The following SLC13A1 variants were observed in gnomAD, a reference collection of about 807,000 sequenced individuals.
SLC13A1 encodes the protein Na(+)/sulfate cotransporter.
In SLC13A1, 65 loss-of-function variants were observed where a neutral mutation model predicts 70.0. That is an observed-to-expected ratio of 0.93 (90% CI 0.76 to 1.14). SLC13A1 has a LOEUF of 1.14. Among genes scored for constraint, SLC13A1 ranks in the 50% most tolerant of loss-of-function variants. SLC13A1 has a pLI of 0.00. For synonymous variants in SLC13A1, 275 were observed against 250.5 expected, an observed-to-expected ratio of 1.10 and a Z score of -0.92; for missense variants, 726 against 717.8, an observed-to-expected ratio of 1.01 and a Z score of -0.13.
intron 1 of SLC13A1, among the ~76,000 whole-genome samples, chr7:123,187,663 A>G (rs1267230492): frequency 6.6e-6 from 1 of 152,194 alleles, no homozygotes; most frequent in East Asian, 1.9e-4. Context: ...AAATTAAATA[A>G]GGTTTACTCT....
intron 3 of SLC13A1, among the ~76,000 whole-genome samples, chr7:123,171,474 G>C (rs928963405): frequency 1.3e-5 from 2 of 152,180 alleles, no homozygotes; most frequent in Non-Finnish European, 2.9e-5. Context: ...AATCTTGTCT[G>C]TTGAGGTTCA....
intron 1 of SLC13A1, among the ~76,000 whole-genome samples, chr7:123,189,766 A>G (rs1012168846): frequency 6.6e-6 from 1 of 152,022 alleles, no homozygotes; most frequent in Non-Finnish European, 1.5e-5. Context: ...TGAAAAATTT[A>G]TCTAATTACA....
chr7:123,125,677 T>G lies in SLC13A1; in HGVS notation c.1134-2A>C, dbSNP rs764339139. 1 of 1,599,136 alleles carries G rather than the reference T, an allele frequency of 6.3e-7. No homozygotes were observed. Among genetic ancestry groups the G allele is most frequent in the South Asian group, 1.1e-5 (1 of 90,220 alleles). ...GAATCTGTAGCAAAACCAGGGTACC[T>G]GTAAAAGGGACAAATACATGTATTA... On this transcript the variant is annotated splice_acceptor_variant, in intron 10 of 14. Coordinates refer to ENST00000194130, the MANE Select transcript of SLC13A1 (RefSeq NM_022444.4). LOFTEE classifies it high-confidence loss of function.
At chr7:123,192,118 A>G (rs1796015690) in intron 1 of SLC13A1, among the ~76,000 whole-genome samples, 2 of 152,128 alleles carry the variant, frequency 1.3e-5, no homozygotes, top group Non-Finnish European at 2.9e-5. Context: ...GAATGTGTTT[A>G]CAATTTTCCT....
chr7:123,163,694 T>A (rs1794985401), intron 6 of SLC13A1, among the ~76,000 whole-genome samples: 5 of 152,082 alleles, frequency 3.3e-5, no homozygotes, highest in Admixed American at 3.3e-4. Flanking sequence ...GTGTTGACTT[T>A]AAATGTTTAT....
intron 1 of SLC13A1, among the ~76,000 whole-genome samples, chr7:123,189,587 T>A (rs1795932783): frequency 6.6e-6 from 1 of 152,182 alleles, no homozygotes; most frequent in Admixed American, 6.5e-5. Flanking sequence ...TTATTCAGAT[T>A]TTCATTCAAA....
At chr7:123,141,263 G>A (rs1209631410) in intron 7 of SLC13A1, among the ~76,000 whole-genome samples, 1 of 151,978 alleles carries the variant, frequency 6.6e-6, no homozygotes, top group Admixed American at 6.6e-5. Context: ...TTCTATTGTG[G>A]TTAGAGAAGA....
intron 3 of SLC13A1, among the ~76,000 whole-genome samples, chr7:123,170,261 T>C (rs947858657): frequency 6.6e-6 from 1 of 152,208 alleles, no homozygotes; most frequent in African/African-American, 2.4e-5. Flanking sequence ...ATAAGGTGAA[T>C]ATTTTCAATG....
intron 2 of SLC13A1, among the ~76,000 whole-genome samples, chr7:123,179,673 C>T (rs556110753): frequency 6.6e-6 from 1 of 152,286 alleles, no homozygotes; most frequent in East Asian, 1.9e-4. Flanking sequence ...TCTAATGTTT[C>T]TATGTCCCTT....
At chr7:123,123,017 A>G (rs192274971) in intron 12 of SLC13A1, 109 bp downstream of exon 12, 1 of 867,736 alleles carries the variant, frequency 1.2e-6, no homozygotes. Context: ...AAAATTTGCA[A>G]CATTAAAATG....
rs367604936 is a variant in SLC13A1 at position 123,115,491 on chromosome 7, G to A, written c.*27C>T. 1.2e-4 allele frequency: 187 copies of A among 1,597,338 alleles called. No homozygotes were observed. The highest frequency in any genetic ancestry group is 1.4e-4 in the Non-Finnish European group (165 of 1,168,968). ...TCATTAATGTCTTCCAGAAATTACC[G>A]CAAGATAGTCAGAAATTTTGTGCTT... On this transcript the variant is annotated 3_prime_UTR_variant, in exon 15 of 15. Transcript: ENST00000194130.
In SLC13A1 at chr7:123,129,420, C is replaced by A. The variant is rs772412216; in HGVS notation, c.994G>T (p.Val332Leu). 5 of 1,607,910 alleles carry A rather than the reference C, an allele frequency of 3.1e-6. No individual in the cohort carries two copies. The African/African-American group carries it at 6.7e-5, about 22-fold the overall frequency. ...KTVQQKACAE[V>L]IKQEYQKLGP... is the part of the protein sequence containing the mutation. The stretch of plus-strand genomic sequence containing the variant: ...AGCTTTTGGTATTCTTGCTTAATCA[C>A]CTCAGCACAAGCTTTTTGTTGGACT... Residue 332 changes from valine (V) to leucine (L), a missense_variant, in exon 9 of 15, where the codon GTG becomes TTG. Coordinates refer to ENST00000194130, the MANE Select transcript of SLC13A1 (RefSeq NM_022444.4).
At chr7:123,189,108 C>T in intron 1 of SLC13A1, among the ~76,000 whole-genome samples, 1 of 75,236 alleles carries the variant, frequency 1.3e-5, no homozygotes. Flanking sequence ...GAGCGAGACT[C>T]CGTCTCAAAA....
rs552334408 is a variant in SLC13A1 at position 123,175,389 on chromosome 7, C to CTT, written c.229-3487_229-3486dup. Among the ~76,000 whole-genome samples, 158 of 152,200 alleles carry CTT rather than the reference C, an allele frequency of 1.0e-3. 3 individuals carry two copies. In the South Asian group the frequency reaches 0.017, roughly 17 times the overall value. On this transcript the variant is annotated intron_variant, in intron 2 of 14. Transcript: ENST00000194130. ...TTTAAGTTTTCATTTTCCCTTATCT[C>CTT]TTTTGCAGTTTGGCTCATGGAAATA...
At chr7:123,146,410 A>G (rs574365342) in intron 7 of SLC13A1, among the ~76,000 whole-genome samples, 70 of 152,328 alleles carry the variant, frequency 4.6e-4, no homozygotes, top group Non-Finnish European at 8.7e-4. Context: ...CTGTAATCCC[A>G]GCTACTCGGG....
chr7:123,143,207 G>A (rs1167171922), intron 7 of SLC13A1, among the ~76,000 whole-genome samples: 1 of 152,132 alleles, frequency 6.6e-6, no homozygotes, highest in Non-Finnish European at 1.5e-5. Context: ...AGAGGGATAT[G>A]AGGACTCCCT....
chr7:123,158,077 A>G (rs1794771132), intron 6 of SLC13A1, among the ~76,000 whole-genome samples: 1 of 152,088 alleles, frequency 6.6e-6, no homozygotes, highest in Non-Finnish European at 1.5e-5. Flanking sequence ...AAGAATTTCC[A>G]TAGTAACTAA....
chr7:123,150,704 G>A (rs1377799504), intron 6 of SLC13A1, among the ~76,000 whole-genome samples: 1 of 151,950 alleles, frequency 6.6e-6, no homozygotes, highest in Non-Finnish European at 1.5e-5. Flanking sequence ...CAACTTTGTA[G>A]TCCCCTTAGC....
intron 1 of SLC13A1, chr7:123,190,386 A>G (rs1795954490): frequency 3.0e-6 from 1 of 335,406 alleles, no homozygotes; most frequent in African/African-American, 2.2e-5. Context: ...TGCAACTTTC[A>G]TAAACAAAAA....
Sources: allele counts gnomAD v4.1 joint callset (sites outside exome capture counted in the v4.1 genomes callset), GRCh38; gene constraint gnomAD v4.1.1; transcripts MANE v1.5; gene names NCBI Gene and HGNC (gene_info 2026-07-23, HGNC 2026-07-21).